Variants in RIGI observed in about 807,000 individuals in gnomAD.
The protein encoded by RIGI is antiviral innate immune response receptor RIG-I.
chr9:32,525,967 G>A, the RIGI span: 1 of 978,786 alleles, frequency 1.0e-6, no homozygotes, highest in Non-Finnish European at 1.6e-6. Flanking sequence ...GAGTCTGGCA[G>A]GCTCTCTGCA....
the RIGI span, among the ~76,000 whole-genome samples, chr9:32,499,507 G>A: frequency 6.6e-6 from 1 of 151,970 alleles, no homozygotes; most frequent in East Asian, 1.9e-4. Flanking sequence ...CCAAGCTGGA[G>A]TGCAATGGCG....
chr9:32,518,485 T>G, the RIGI span, among the ~76,000 whole-genome samples: 3 of 152,186 alleles, frequency 2.0e-5, no homozygotes. Flanking sequence ...GTTTCTTTCC[T>G]ATTTCTTTGT....
the RIGI span, among the ~76,000 whole-genome samples, chr9:32,464,263 G>A: frequency 6.6e-6 from 1 of 151,162 alleles, no homozygotes; most frequent in Non-Finnish European, 1.5e-5. Context: ...GGACCAGGAT[G>A]CTCAAACCCA....
At chr9:32,492,354 T>C in the RIGI span, 209,362 of 1,610,292 alleles carry the variant, frequency 0.13, 14,703 homozygotes, top group Middle Eastern at 0.23. Flanking sequence ...AATGAGCGAG[T>C]CCTAAGTAGA....
chr9:32,479,112 C>G, the RIGI span, among the ~76,000 whole-genome samples: 1 of 152,130 alleles, frequency 6.6e-6, no homozygotes, highest in African/African-American at 2.4e-5. Context: ...TCAGAAAGAA[C>G]CACACTTCTT....
At chr9:32,459,557 A>G in the RIGI span, 2 of 1,578,202 alleles carry the variant, frequency 1.3e-6, no homozygotes, top group South Asian at 1.2e-5. Context: ...TGAGTACAAC[A>G]TATATAGCAA....
At chr9:32,461,920 AATT>A in the RIGI span, among the ~76,000 whole-genome samples, 1 of 152,210 alleles carries the variant, frequency 6.6e-6, no homozygotes, top group Non-Finnish European at 1.5e-5. Context: ...TGAATAAGCA[AATT>A]TGGGGTGAAT....
the RIGI span, chr9:32,472,883 T>A: frequency 3.3e-6 from 2 of 599,380 alleles, no homozygotes; most frequent in African/African-American, 3.9e-5. Context: ...TTGAAATATA[T>A]ATTATATATA....
the RIGI span, chr9:32,493,784 GATTA>G: frequency 1.3e-5 from 20 of 1,585,262 alleles, no homozygotes; most frequent in South Asian, 1.9e-4. Context: ...TCACATTCCT[GATTA>G]ATTAAACATT....
chr9:32,458,248 A>C, the RIGI span, among the ~76,000 whole-genome samples: 6 of 152,334 alleles, frequency 3.9e-5, no homozygotes, highest in Admixed American at 2.0e-4. Flanking sequence ...TAAGAAAGAA[A>C]TATAAGGCTG....
the RIGI span, among the ~76,000 whole-genome samples, chr9:32,495,127 T>G: frequency 3.9e-5 from 6 of 152,228 alleles, no homozygotes; most frequent in Admixed American, 1.3e-4. Flanking sequence ...GTTAACACCA[T>G]TTTACAATCC....
At chr9:32,507,500 T>C in the RIGI span, among the ~76,000 whole-genome samples, 1 of 152,124 alleles carries the variant, frequency 6.6e-6, no homozygotes, top group Non-Finnish European at 1.5e-5. Context: ...TAAACAAAGA[T>C]TTATGTGTAC....
At chr9:32,477,181 G>C in the RIGI span, 2 of 1,601,136 alleles carry the variant, frequency 1.2e-6, no homozygotes, top group South Asian at 2.2e-5. Flanking sequence ...TAAAAATTTA[G>C]AACACACTGT....
the RIGI span, among the ~76,000 whole-genome samples, chr9:32,474,540 A>G: frequency 6.6e-6 from 1 of 152,170 alleles, no homozygotes; most frequent in African/African-American, 2.4e-5. Flanking sequence ...CTCTATCTCA[A>G]TCTCTGGGAT....
At chr9:32,503,896 G>A in the RIGI span, among the ~76,000 whole-genome samples, 1 of 152,006 alleles carries the variant, frequency 6.6e-6, no homozygotes, top group Non-Finnish European at 1.5e-5. Flanking sequence ...ACACAAATTA[G>A]CCAGGCGCGG....
chr9:32,519,438 G>A, the RIGI span, among the ~76,000 whole-genome samples: 16 of 152,174 alleles, frequency 1.1e-4, no homozygotes, highest in Non-Finnish European at 1.8e-4. Flanking sequence ...GTTTGGTTTT[G>A]CTTACCTCTA....
At chr9:32,458,436 C>G in the RIGI span, among the ~76,000 whole-genome samples, 1 of 152,174 alleles carries the variant, frequency 6.6e-6, no homozygotes, top group Non-Finnish European at 1.5e-5. Flanking sequence ...TATAGTTCCC[C>G]TAGCCTTTGT....
the RIGI span, chr9:32,488,790 C>G: frequency 6.2e-7 from 1 of 1,613,324 alleles, no homozygotes; most frequent in East Asian, 2.2e-5. Context: ...ACACTGGGAT[C>G]TGATTCGCAA....
chr9:32,513,476 G>A, the RIGI span, among the ~76,000 whole-genome samples: 85,490 of 151,956 alleles, frequency 0.56, 24,563 homozygotes, highest in Middle Eastern at 0.68. Context: ...AAGCAATGGG[G>A]AAAGGATTCC....
Sources: gnomAD v4.1 joint callset for allele counts (sites outside exome capture counted in the v4.1 genomes callset) on GRCh38, gnomAD v4.1.1 for gene constraint, MANE v1.5 for transcripts, NCBI Gene and HGNC (gene_info 2026-07-23, HGNC 2026-07-21) for gene names.